The following DNAJC5B variants were observed in gnomAD, a reference collection of about 807,000 sequenced individuals.
DNAJC5B encodes dnaJ homolog subfamily C member 5B.
In DNAJC5B, 23 loss-of-function variants were observed where a neutral mutation model predicts 24.7. The observed-to-expected ratio is 0.93, with a 90% CI of 0.67 to 1.32. The LOEUF (loss-of-function observed/expected upper bound fraction) is 1.32, where lower values mean the gene tolerates loss of function less well. DNAJC5B is among the 40% of genes most tolerant of loss of function. The pLI is 0.00. For synonymous variants in DNAJC5B, 101 were observed against 90.1 expected, an observed-to-expected ratio of 1.12 and a Z score of -0.68; for missense variants, 238 against 240.8, an observed-to-expected ratio of 0.99 and a Z score of 0.08.
intron 2 of DNAJC5B, among the ~76,000 whole-genome samples, chr8:66,045,014 A>G (rs1188758991): frequency 1.3e-5 from 2 of 152,242 alleles, no homozygotes; most frequent in African/African-American, 4.8e-5. Flanking sequence ...ACATCTTTAC[A>G]GTCATTAAAG....
chr8:66,060,276 G>A (rs1394403462), intron 3 of DNAJC5B, among the ~76,000 whole-genome samples: 2 of 152,170 alleles, frequency 1.3e-5, no homozygotes, highest in African/African-American at 4.8e-5. Context: ...TTCCTAAGAT[G>A]CATTCTTTTC....
chr8:66,035,823 C>T (rs779757887), intron 1 of DNAJC5B, among the ~76,000 whole-genome samples: 24 of 152,186 alleles, frequency 1.6e-4, no homozygotes, highest in Non-Finnish European at 2.6e-4. Context: ...AGTTCTTCCA[C>T]ATGAACAGCA....
intron 3 of DNAJC5B, among the ~76,000 whole-genome samples, chr8:66,054,376 C>T (rs1330927320): frequency 6.6e-6 from 1 of 152,146 alleles, no homozygotes; most frequent in African/African-American, 2.4e-5. Flanking sequence ...AAAATATTCA[C>T]CGTATCTTCT....
At chr8:66,048,919 C>T (rs769667991) in intron 2 of DNAJC5B, among the ~76,000 whole-genome samples, 4 of 152,160 alleles carry the variant, frequency 2.6e-5, no homozygotes, top group African/African-American at 7.2e-5. Flanking sequence ...AAGCACAAAG[C>T]GAGGCCTCTA....
At chr8:66,088,433 A>C in intron 5 of DNAJC5B, among the ~76,000 whole-genome samples, 1 of 152,134 alleles carries the variant, frequency 6.6e-6, no homozygotes. Context: ...GGCTATTAAC[A>C]TTCAGCTTCT....
rs542188901 is a variant in DNAJC5B at position 66,085,579 on chromosome 8, T to A, written c.505+5031T>A. 3.4e-3 allele frequency among the ~76,000 whole-genome samples: 515 copies of A among 150,952 alleles called. 1 individual carries two copies. Among genetic ancestry groups the A allele is most frequent in the South Asian group, 0.013 (61 of 4,794 alleles). The stretch of plus-strand genomic sequence containing the variant: ...CAGAGCGAGACTCCATCTCAAAAAA[T>A]ATATATATATATATCAATTGGCCAT... On this transcript the variant is annotated intron_variant, in intron 5 of 5. Transcript: ENST00000276570.
At chr8:66,073,137 GA>G (rs1186654759) in intron 3 of DNAJC5B, among the ~76,000 whole-genome samples, 4 of 151,860 alleles carry the variant, frequency 2.6e-5, no homozygotes, top group African/African-American at 9.7e-5. Context: ...AAATTTAAAA[GA>G]ATTTATAATT....
intron 3 of DNAJC5B, among the ~76,000 whole-genome samples, chr8:66,062,568 G>C (rs1469023897): frequency 6.6e-6 from 1 of 152,202 alleles, no homozygotes; most frequent in Non-Finnish European, 1.5e-5. Context: ...AAGTGAGGCT[G>C]ACTGGTTTCT....
intron 1 of DNAJC5B, among the ~76,000 whole-genome samples, chr8:66,023,716 C>T (rs1280764621): frequency 2.0e-5 from 3 of 152,126 alleles, no homozygotes; most frequent in Non-Finnish European, 4.4e-5. Flanking sequence ...GGTATCCGAC[C>T]TACACTTACT....
At chr8:66,016,451 G>A in the DNAJC5B span, among the ~76,000 whole-genome samples, 1 of 152,166 alleles carries the variant, frequency 6.6e-6, no homozygotes, top group Non-Finnish European at 1.5e-5. Flanking sequence ...TGGGAAGAAG[G>A]TGCCTGCTCC....
intron 5 of DNAJC5B, among the ~76,000 whole-genome samples, chr8:66,083,863 C>A (rs1256544003): frequency 6.6e-6 from 1 of 152,170 alleles, no homozygotes; most frequent in Non-Finnish European, 1.5e-5. Context: ...ACTCATCAGA[C>A]AGAGAAATGT....
chr8:66,053,765 G>T (rs909745560), intron 3 of DNAJC5B, among the ~76,000 whole-genome samples: 1 of 151,980 alleles, frequency 6.6e-6, no homozygotes, highest in Non-Finnish European at 1.5e-5. Context: ...GAGTAGCTGG[G>T]ATTACAGGTG....
the DNAJC5B span, among the ~76,000 whole-genome samples, chr8:66,015,036 G>A: frequency 6.6e-6 from 1 of 152,124 alleles, no homozygotes; most frequent in Admixed American, 6.5e-5. Flanking sequence ...ACTTCCAAAC[G>A]CTTGCTTTCC....
chr8:66,078,379 C>T (rs965932824), intron 4 of DNAJC5B, among the ~76,000 whole-genome samples: 1 of 152,140 alleles, frequency 6.6e-6, no homozygotes, highest in African/African-American at 2.4e-5. Context: ...ATATGCACTA[C>T]ATGAATGAAT....
chr8:66,043,564 G>T lies in DNAJC5B; in HGVS notation c.-65G>T, dbSNP rs970667361. 1 of 152,226 alleles carries T rather than the reference G, an allele frequency of 6.6e-6. No homozygotes were observed. The highest frequency in any genetic ancestry group is 6.5e-5 in the Admixed American group (1 of 15,286). 9.4% of individuals were successfully genotyped at this position (152,226 alleles called of 1,614,324 possible). A position where few individuals can be genotyped will look rare whatever the true frequency, so the allele number is the denominator to read the frequency against. ...ATTGACCTGCTTAACCCTGCATGGGGGGGAAGGATGGAAAGGAGCAGCTGT... is the reference window on the plus strand; with the variant it reads ...ATTGACCTGCTTAACCCTGCATGGGTGGGAAGGATGGAAAGGAGCAGCTGT... On this transcript the variant is annotated 5_prime_UTR_variant, in exon 2 of 6. Transcript: ENST00000276570.
At chr8:66,032,231 C>A (rs1243171665) in intron 1 of DNAJC5B, among the ~76,000 whole-genome samples, 1 of 152,218 alleles carries the variant, frequency 6.6e-6, no homozygotes, top group Non-Finnish European at 1.5e-5. Context: ...TCCCCACAGG[C>A]CCTGAGGGTT....
chr8:66,015,851 G>A, the DNAJC5B span, among the ~76,000 whole-genome samples: 1 of 152,138 alleles, frequency 6.6e-6, no homozygotes, highest in Non-Finnish European at 1.5e-5. Flanking sequence ...AGAATGAGAG[G>A]GACACAAATG....
At chr8:66,045,079 T>C (rs978869449) in intron 2 of DNAJC5B, among the ~76,000 whole-genome samples, 2 of 152,182 alleles carry the variant, frequency 1.3e-5, no homozygotes, top group African/African-American at 2.4e-5. Flanking sequence ...AAATCAATAA[T>C]ATATGAAGAA....
At chr8:66,074,620 A>G (rs1365585047) in intron 3 of DNAJC5B, among the ~76,000 whole-genome samples, 2 of 152,248 alleles carry the variant, frequency 1.3e-5, no homozygotes, top group Admixed American at 6.5e-5. Flanking sequence ...CAATGTAGAA[A>G]TGACAACAAA....
Sources: gnomAD v4.1 joint callset for allele counts (sites outside exome capture counted in the v4.1 genomes callset) on GRCh38, gnomAD v4.1.1 for gene constraint, MANE v1.5 for transcripts, NCBI Gene and HGNC (gene_info 2026-07-23, HGNC 2026-07-21) for gene names.